The following ENPP6 variants were observed in gnomAD, a reference collection of about 807,000 sequenced individuals.
ENPP6 encodes ectonucleotide pyrophosphatase/phosphodiesterase 6.
A neutral mutation model predicts 42.0 loss-of-function variants in ENPP6; 32 were observed. That is an observed-to-expected ratio of 0.76 (90% CI 0.58 to 1.02). ENPP6 has a LOEUF of 1.02. ENPP6 is among the 50% of genes least tolerant of loss of function. The probability of loss-of-function intolerance (pLI) is 0.00; values close to 1 mark genes in which losing one functional copy is unlikely to be tolerated. For synonymous variants in ENPP6, 213 were observed against 216.0 expected (o/e 0.99, Z 0.12); for missense variants, 552 against 566.8 (o/e 0.97, Z 0.27).
intron 1 of ENPP6, among the ~76,000 whole-genome samples, chr4:184,197,413 A>C (rs1732819368): frequency 6.6e-6 from 1 of 152,234 alleles, no homozygotes; most frequent in Non-Finnish European, 1.5e-5. Flanking sequence ...ACTCAGAATA[A>C]GGTCGAGAGC....
intron 2 of ENPP6, among the ~76,000 whole-genome samples, chr4:184,151,175 C>A (rs1737018430): frequency 6.6e-6 from 1 of 152,044 alleles, no homozygotes; most frequent in African/African-American, 2.4e-5. Flanking sequence ...CTGTCTCTAC[C>A]AAAAATACAA....
At chr4:184,116,080 G>A (rs976108485) in intron 5 of ENPP6, among the ~76,000 whole-genome samples, 2 of 152,186 alleles carry the variant, frequency 1.3e-5, no homozygotes, top group East Asian at 1.9e-4. Flanking sequence ...AAAATTAGCT[G>A]GGCATGGTGG....
intron 7 of ENPP6, among the ~76,000 whole-genome samples, chr4:184,095,932 G>A (rs569896592): frequency 2.0e-4 from 31 of 152,174 alleles, no homozygotes; most frequent in African/African-American, 7.2e-4. Context: ...ATCTGACCTG[G>A]GGCTCGGCTG....
chr4:184,107,595 T>C (rs113898776), intron 6 of ENPP6, among the ~76,000 whole-genome samples: 2,784 of 152,064 alleles, frequency 0.018, 76 homozygotes, highest in Middle Eastern at 0.061. Flanking sequence ...GCCAATATGG[T>C]GAAACCCCGT....
chr4:184,102,452 A>G (rs1382197521), intron 6 of ENPP6, among the ~76,000 whole-genome samples: 2 of 152,208 alleles, frequency 1.3e-5, no homozygotes, highest in Non-Finnish European at 2.9e-5. Flanking sequence ...TTTGGAATAC[A>G]TGATCATATA....
At chr4:184,143,859 G>A (rs1736872646) in intron 2 of ENPP6, among the ~76,000 whole-genome samples, 1 of 152,234 alleles carries the variant, frequency 6.6e-6, no homozygotes, top group South Asian at 2.1e-4. Flanking sequence ...AAGTGCTCCA[G>A]TGAAGTGCTG....
At chr4:184,168,359 C>T (rs1395425818) in intron 1 of ENPP6, among the ~76,000 whole-genome samples, 1 of 152,194 alleles carries the variant, frequency 6.6e-6, no homozygotes, top group Non-Finnish European at 1.5e-5. Context: ...GAAAAATCCT[C>T]TTCTAGGGAG....
intron 1 of ENPP6, among the ~76,000 whole-genome samples, chr4:184,189,429 A>G (rs1043024069): frequency 6.6e-6 from 1 of 152,232 alleles, no homozygotes; most frequent in African/African-American, 2.4e-5. Context: ...TTTGAGTCTC[A>G]TCTAGGGAAA....
At chr4:184,135,386 AC>A (rs1398154196) in intron 2 of ENPP6, among the ~76,000 whole-genome samples, 1 of 152,208 alleles carries the variant, frequency 6.6e-6, no homozygotes, top group African/African-American at 2.4e-5. Context: ...TAGGAACATT[AC>A]AATTTAGAAC....
chr4:184,165,295 A>C (rs1314241742), intron 1 of ENPP6, among the ~76,000 whole-genome samples: 1 of 152,224 alleles, frequency 6.6e-6, no homozygotes, highest in Non-Finnish European at 1.5e-5. Flanking sequence ...GAGATGGAGA[A>C]TATTACCTCC....
intron 1 of ENPP6, among the ~76,000 whole-genome samples, chr4:184,199,188 G>T (rs1013723205): frequency 6.6e-6 from 1 of 152,232 alleles, no homozygotes; most frequent in Non-Finnish European, 1.5e-5. Context: ...TGGAGCCGAG[G>T]CGTCTTCTCT....
chr4:184,188,798 C>A (rs988358748), intron 1 of ENPP6, among the ~76,000 whole-genome samples: 1 of 152,100 alleles, frequency 6.6e-6, no homozygotes, highest in Non-Finnish European at 1.5e-5. Flanking sequence ...GATTGTTAAT[C>A]CCCTGGGCCT....
chr4:184,092,479 G>A (rs1183921812), intron 7 of ENPP6, among the ~76,000 whole-genome samples: 1 of 152,172 alleles, frequency 6.6e-6, no homozygotes, highest in Non-Finnish European at 1.5e-5. Context: ...CAGGTAGGGT[G>A]GCCACACGCA....
intron 1 of ENPP6, among the ~76,000 whole-genome samples, chr4:184,180,483 G>A (rs1003849926): frequency 1.3e-5 from 2 of 152,178 alleles, no homozygotes; most frequent in African/African-American, 4.8e-5. Context: ...AATTGGAAAG[G>A]AGTGACTCCT....
intron 1 of ENPP6, among the ~76,000 whole-genome samples, chr4:184,187,037 T>A (rs1271269201): frequency 6.6e-6 from 1 of 151,984 alleles, no homozygotes; most frequent in East Asian, 1.9e-4. Context: ...ATAAGAGAAA[T>A]GTGTTAAGAA....
intron 1 of ENPP6, among the ~76,000 whole-genome samples, chr4:184,199,339 G>T (rs1282998898): frequency 1.3e-5 from 2 of 152,308 alleles, no homozygotes; most frequent in African/African-American, 4.8e-5. Context: ...GAAGTGGGCT[G>T]GGGGGCAGGT....
chr4:184,172,526 G>A (rs943303036), intron 1 of ENPP6, among the ~76,000 whole-genome samples: 1 of 152,190 alleles, frequency 6.6e-6, no homozygotes, highest in African/African-American at 2.4e-5. Flanking sequence ...GGCAGCCATA[G>A]GGGATGAACT....
At chr4:184,134,480 C>A (rs28788183) in intron 2 of ENPP6, among the ~76,000 whole-genome samples, 98,690 of 151,902 alleles carry the variant, frequency 0.65, 32,339 homozygotes, top group Non-Finnish European at 0.68. Flanking sequence ...TTTCCCCTAG[C>A]AATCTGTCTG....
intron 2 of ENPP6, among the ~76,000 whole-genome samples, chr4:184,127,256 T>C (rs936596644): frequency 3.3e-5 from 5 of 151,970 alleles, no homozygotes; most frequent in African/African-American, 4.8e-5. Context: ...TAGATGTAAA[T>C]AAGTTATAGA....
Sources: allele counts gnomAD v4.1 joint callset (sites outside exome capture counted in the v4.1 genomes callset), GRCh38; gene constraint gnomAD v4.1.1; transcripts MANE v1.5; gene names NCBI Gene and HGNC (gene_info 2026-07-23, HGNC 2026-07-21).